Variants in ELP4 observed in about 807,000 individuals in gnomAD.
The protein encoded by ELP4 is elongator complex protein 4.
A neutral mutation model predicts 48.9 loss-of-function variants in ELP4; 51 were observed. The ratio of observed to expected loss-of-function variants is 1.04; its 90% CI spans 0.83 to 1.32. ELP4 has a LOEUF of 1.32. Ranked by LOEUF, ELP4 falls within the 40% of genes most tolerant of loss-of-function variation. The pLI is 0.00. For synonymous variants in ELP4, 210 were observed against 189.2 expected (o/e 1.11, Z -0.90); for missense variants, 519 against 514.6 (o/e 1.01, Z -0.08).
At chr11:31,775,298 T>G (rs1948222204) in intron 9 of ELP4, among the ~76,000 whole-genome samples, 1 of 152,104 alleles carries the variant, frequency 6.6e-6, no homozygotes, top group South Asian at 2.1e-4. Flanking sequence ...TCCTTTCTCT[T>G]CCCACCACTG....
chr11:31,760,682 T>A (rs1947927096), intron 9 of ELP4, among the ~76,000 whole-genome samples: 1 of 152,220 alleles, frequency 6.6e-6, no homozygotes, highest in African/African-American at 2.4e-5. Flanking sequence ...TAATACTTCC[T>A]GTAACTGTAC....
At chr11:31,622,303 TG>T (rs1944639942) in intron 5 of ELP4, among the ~76,000 whole-genome samples, 1 of 151,802 alleles carries the variant, frequency 6.6e-6, no homozygotes, top group Non-Finnish European at 1.5e-5. Flanking sequence ...GTGGCAGTGT[TG>T]TATATTGTTC....
At chr11:31,692,559 C>T (rs543182721) in intron 9 of ELP4, among the ~76,000 whole-genome samples, 27 of 152,292 alleles carry the variant, frequency 1.8e-4, no homozygotes, top group Admixed American at 1.7e-3. Flanking sequence ...TACCCCAGCA[C>T]ATTGACTCTA....
At chr11:31,725,850 C>T (rs2134193084) in intron 9 of ELP4, among the ~76,000 whole-genome samples, 1 of 152,238 alleles carries the variant, frequency 6.6e-6, no homozygotes, top group African/African-American at 2.4e-5. Context: ...GGGATGGGTC[C>T]ATCCTGTAAG....
chr11:31,532,081 G>T (rs1398871597), intron 2 of ELP4, among the ~76,000 whole-genome samples: 1 of 152,156 alleles, frequency 6.6e-6, no homozygotes, highest in African/African-American at 2.4e-5. Flanking sequence ...TCTTGCCACA[G>T]TCTTATGAGG....
chr11:31,747,764 C>T (rs941933585), intron 9 of ELP4, among the ~76,000 whole-genome samples: 1 of 152,214 alleles, frequency 6.6e-6, no homozygotes, highest in Non-Finnish European at 1.5e-5. Flanking sequence ...AGGACAAAGC[C>T]TCTGAACTTG....
chr11:31,675,421 C>T (rs1490047006), intron 9 of ELP4, among the ~76,000 whole-genome samples: 7 of 151,994 alleles, frequency 4.6e-5, no homozygotes, highest in South Asian at 2.1e-4. Flanking sequence ...TGTACCACCA[C>T]GCCTGGCTAA....
At position 31,539,588 on chromosome 11, in the gene ELP4, T is replaced by C. The variant is rs1212492113; in HGVS notation, c.260-74T>C. The C allele has an allele frequency of 2.8e-6, 4 of 1,439,402 alleles. No homozygotes were observed. In the Admixed American group the frequency reaches 8.5e-5, roughly 31 times the overall value. The allele number at this position is 1,439,402 out of a possible 1,614,324, so 89.2% of individuals were successfully genotyped here. On this transcript the variant is annotated intron_variant, in intron 2 of 9. Coordinates refer to ENST00000640961, the MANE Select transcript of ELP4 (RefSeq NM_019040.5). ...GAAAAAAAATATAAAAACATATGAG[T>C]GTGCTTGCTGTTTGATAGCCATTTG...
intron 9 of ELP4, among the ~76,000 whole-genome samples, chr11:31,724,296 G>A (rs1209620813): frequency 6.6e-6 from 1 of 152,144 alleles, no homozygotes; most frequent in African/African-American, 2.4e-5. Flanking sequence ...TTTTCTTCTT[G>A]TCTCCCTGAT....
At chr11:31,719,289 C>A (rs1006512141) in intron 9 of ELP4, among the ~76,000 whole-genome samples, 1 of 151,704 alleles carries the variant, frequency 6.6e-6, no homozygotes, top group African/African-American at 2.4e-5. Flanking sequence ...AAAAGAAAAT[C>A]TGTACCTGTA....
intron 5 of ELP4, among the ~76,000 whole-genome samples, chr11:31,616,568 G>C (rs1944488605): frequency 6.6e-6 from 1 of 151,988 alleles, no homozygotes. Context: ...AGCAAAAATA[G>C]ACAAATAGGA....
intron 9 of ELP4, among the ~76,000 whole-genome samples, chr11:31,770,175 T>C (rs560859593): frequency 6.6e-6 from 1 of 152,294 alleles, no homozygotes; most frequent in East Asian, 1.9e-4. Context: ...CTCCGGCCTG[T>C]ATTGTGTGTT....
chr11:31,772,416 G>T (rs182813695), intron 9 of ELP4, among the ~76,000 whole-genome samples: 1 of 152,116 alleles, frequency 6.6e-6, no homozygotes, highest in Non-Finnish European at 1.5e-5. Context: ...CAACGCACCC[G>T]GCCTAAATTA....
intron 9 of ELP4, among the ~76,000 whole-genome samples, chr11:31,681,318 C>T (rs780606719): frequency 7.9e-5 from 12 of 152,270 alleles, no homozygotes; most frequent in East Asian, 1.9e-4. Context: ...TGATTTGTTA[C>T]GTGCCCAAGC....
chr11:31,514,858 A>G (rs1298483405), intron 1 of ELP4, among the ~76,000 whole-genome samples: 1 of 151,992 alleles, frequency 6.6e-6, no homozygotes, highest in African/African-American at 2.4e-5. Flanking sequence ...TCAAACTTTT[A>G]AGTTAAAATA....
At chr11:31,649,408 C>T (rs1218930726) in intron 8 of ELP4, 1 of 151,620 alleles carries the variant, frequency 6.6e-6, no homozygotes. Flanking sequence ...TAGTCAGAAA[C>T]TACATTAGGC....
intron 9 of ELP4, among the ~76,000 whole-genome samples, chr11:31,665,092 C>T (rs1190402462): frequency 1.3e-5 from 2 of 152,094 alleles, no homozygotes; most frequent in East Asian, 3.9e-4. Context: ...CATTTGAGTT[C>T]AAGATTTCCC....
intron 8 of ELP4, chr11:31,649,339 G>T (rs1945273732): frequency 6.6e-6 from 1 of 151,622 alleles, no homozygotes; most frequent in Admixed American, 6.6e-5. Context: ...GCTGAGTCAG[G>T]CAGAAAGATG....
intron 9 of ELP4, among the ~76,000 whole-genome samples, chr11:31,666,641 GA>G (rs1352433516): frequency 6.7e-6 from 1 of 149,010 alleles, no homozygotes; most frequent in Non-Finnish European, 1.5e-5. Context: ...GCAGTGAGCC[GA>G]GATTGCGCCA....
Sources: gnomAD v4.1 joint callset for allele counts (sites outside exome capture counted in the v4.1 genomes callset) on GRCh38, gnomAD v4.1.1 for gene constraint, MANE v1.5 for transcripts, NCBI Gene and HGNC (gene_info 2026-07-23, HGNC 2026-07-21) for gene names.